PPFIA2: variants seen among roughly 807,000 people sequenced by gnomAD.
The protein encoded by PPFIA2 is PPFI scaffold protein A2.
A neutral mutation model predicts 175.5 loss-of-function variants in PPFIA2; 46 were observed. That is an observed-to-expected ratio of 0.26 (90% CI 0.21 to 0.34). The LOEUF is 0.34. Ranked by LOEUF, PPFIA2 falls within the 10% of genes least tolerant of loss-of-function variation. The pLI, the probability that PPFIA2 is intolerant of heterozygous loss-of-function variation, is 1.00. For synonymous variants in PPFIA2, 568 were observed against 511.4 expected (o/e 1.11, Z -1.49); for missense variants, 1,179 against 1,506.1 (o/e 0.78, Z 3.60).
At chr12:81,309,344 A>G (rs1287062724) in intron 22 of PPFIA2, among the ~76,000 whole-genome samples, 2 of 152,156 alleles carry the variant, frequency 1.3e-5, no homozygotes, top group Non-Finnish European at 2.9e-5. Context: ...AACATCTGCA[A>G]GCTGAACATG....
At chr12:81,470,433 G>A (rs146141942) in intron 4 of PPFIA2, among the ~76,000 whole-genome samples, 52 of 152,260 alleles carry the variant, frequency 3.4e-4, no homozygotes, top group African/African-American at 1.2e-3. Context: ...AATAAGCATT[G>A]GCAAAGATGC....
At chr12:81,477,371 A>G (rs921505622) in intron 4 of PPFIA2, among the ~76,000 whole-genome samples, 20 of 152,338 alleles carry the variant, frequency 1.3e-4, no homozygotes, top group African/African-American at 4.8e-4. Context: ...GAGAATGATT[A>G]TGAAGAAGTC....
At chr12:81,541,135 G>C (rs538333288) in intron 4 of PPFIA2, among the ~76,000 whole-genome samples, 2 of 152,064 alleles carry the variant, frequency 1.3e-5, no homozygotes, top group East Asian at 1.9e-4. Flanking sequence ...AAATTTATCA[G>C]TGTTGATACA....
At chr12:81,531,497 G>T (rs1567209606) in intron 4 of PPFIA2, among the ~76,000 whole-genome samples, 1 of 151,626 alleles carries the variant, frequency 6.6e-6, no homozygotes, top group East Asian at 1.9e-4. Context: ...GAATAAAAAT[G>T]AAGAATCCCC....
chr12:81,574,643 C>T (rs532881831), intron 4 of PPFIA2, among the ~76,000 whole-genome samples: 2 of 151,342 alleles, frequency 1.3e-5, no homozygotes, highest in East Asian at 3.9e-4. Context: ...CCATGAATAA[C>T]ACAGGTGTAA....
intron 5 of PPFIA2, among the ~76,000 whole-genome samples, chr12:81,447,290 T>C (rs1449143754): frequency 6.6e-6 from 1 of 152,186 alleles, no homozygotes; most frequent in East Asian, 1.9e-4. Context: ...TCCAAGCTGT[T>C]TTACATAGGT....
chr12:81,447,036 C>T (rs530371310), intron 5 of PPFIA2, among the ~76,000 whole-genome samples: 21 of 152,152 alleles, frequency 1.4e-4, no homozygotes, highest in African/African-American at 3.9e-4. Context: ...CAGTGGCTCA[C>T]TCCTGTAATC....
At chr12:81,668,724 G>A (rs1337862039) in intron 4 of PPFIA2, among the ~76,000 whole-genome samples, 2 of 151,968 alleles carry the variant, frequency 1.3e-5, no homozygotes, top group African/African-American at 2.4e-5. Flanking sequence ...TGGCAGGACT[G>A]ATGCTGCCAT....
chr12:81,466,567 T>G (rs2146123868), intron 4 of PPFIA2, among the ~76,000 whole-genome samples: 1 of 152,262 alleles, frequency 6.6e-6, no homozygotes, highest in Non-Finnish European at 1.5e-5. Context: ...CCCACTCTGC[T>G]TTGCTTTGTG....
intron 19 of PPFIA2, among the ~76,000 whole-genome samples, chr12:81,341,615 T>C (rs2058097359): frequency 6.6e-6 from 1 of 152,040 alleles, no homozygotes; most frequent in African/African-American, 2.4e-5. Flanking sequence ...AGTGTTAGAG[T>C]AGTTTATGTG....
chr12:81,560,878 A>T (rs1488315325), intron 4 of PPFIA2, among the ~76,000 whole-genome samples: 6 of 152,208 alleles, frequency 3.9e-5, no homozygotes, highest in East Asian at 1.9e-4. Context: ...ATCTGAAAAC[A>T]GCTGATAATT....
At chr12:81,477,497 G>A (rs2057631863) in intron 4 of PPFIA2, among the ~76,000 whole-genome samples, 1 of 152,176 alleles carries the variant, frequency 6.6e-6, no homozygotes. Context: ...CAAAGGGAAT[G>A]CTTCCAGCTT....
Position 81,414,133 on chromosome 12 carries a change from A to G in PPFIA2, c.646-8230T>C, listed in dbSNP as rs540182199. Among the ~76,000 whole-genome samples the G allele has an allele frequency of 3.3e-5, 5 of 151,932 alleles. No individual in the cohort carries two copies. In the East Asian group the frequency reaches 9.7e-4, roughly 29 times the overall value. The stretch of plus-strand genomic sequence containing the variant: ...TTGAAGTCATACAGAAAAAGACACA[A>G]CAGAGATATTTCTGATTCAGGTCTG... On this transcript the variant is annotated intron_variant, in intron 7 of 32. Coordinates refer to ENST00000549396, the MANE Select transcript of PPFIA2 (RefSeq NM_003625.5).
intron 4 of PPFIA2, among the ~76,000 whole-genome samples, chr12:81,558,364 T>C (rs572787421): frequency 2.0e-5 from 3 of 152,332 alleles, no homozygotes; most frequent in Middle Eastern, 3.4e-3. Context: ...GTAGTTACTG[T>C]GATCTACATT....
At chr12:81,721,099 G>C (rs571104845) in intron 3 of PPFIA2, among the ~76,000 whole-genome samples, 2 of 150,130 alleles carry the variant, frequency 1.3e-5, no homozygotes, top group African/African-American at 4.9e-5. Flanking sequence ...AAAGGTGGCC[G>C]TTTTTATTGC....
At position 81,457,798 on chromosome 12, in the gene PPFIA2, G is replaced by A; in HGVS notation, c.372C>T (p.Ile124=). The A allele has an allele frequency of 1.2e-6, 2 of 1,610,306 alleles. No homozygotes were observed. The highest frequency in any genetic ancestry group is 1.7e-5 in the Admixed American group (1 of 59,676). Residue 124 remains isoleucine (I), a synonymous_variant, in exon 5 of 33, where the codon ATC becomes ATT. Coordinates refer to ENST00000549396, the MANE Select transcript of PPFIA2 (RefSeq NM_003625.5). The part of the protein sequence containing the change: ...REQLLEKEEE[I]SELKAERNNT... ...TGTTTCTTTCAGCTTTAAGTTCAGAGATTTCTTCTTCCTTTTCTAGAAGTT... is the reference window on the plus strand; with the variant it reads ...TGTTTCTTTCAGCTTTAAGTTCAGAAATTTCTTCTTCCTTTTCTAGAAGTT...
At position 81,268,080 on chromosome 12, in the gene PPFIA2, C is replaced by G; in HGVS notation, c.3318G>C (p.Leu1106Phe). The change falls in exon 29 of 33, where the codon TTG (leucine) becomes TTC (phenylalanine). Residue 1106 changes from leucine (L) to phenylalanine (F), a missense_variant. By Grantham distance (22) the Leu-to-Phe change is conservative. This residue lies in a region of PPFIA2 where 245 missense variants were observed against 375.1 expected (regional missense o/e 0.65). Transcript: ENST00000549396. ...EASQHEIKDV[L>F]VWSNDRVIRW... ...GAATAACTCGGTCATTGCTCCACAC[C>G]AACACGTCTAGGAAAAGAGATGCAT... The G allele has an allele frequency of 6.3e-7, 1 of 1,589,876 alleles. No homozygotes were observed. The highest frequency in any genetic ancestry group is 2.3e-5 in the East Asian group (1 of 44,184).
rs2036222478 is a variant in PPFIA2 at position 81,263,286 on chromosome 12, T to C, written c.3660A>G (p.Pro1220=). The change falls in exon 31 of 33, where the codon CCA becomes CCG. Residue 1220 remains proline (P), a synonymous_variant. Coordinates refer to ENST00000549396, the MANE Select transcript of PPFIA2 (RefSeq NM_003625.5). The part of the protein sequence containing the change: ...SMMPGSSETL[P]AGFRLTTTSG... ...AGGTTGTGGTTAACCTAAATCCAGC[T>C]GGTAATGTTTCTGAGGACCCAGGCA... 6 of 1,612,438 alleles carry C rather than the reference T, an allele frequency of 3.7e-6. No individual in the cohort carries two copies. The highest frequency in any genetic ancestry group is 5.1e-6 in the Non-Finnish European group (6 of 1,178,952).
At chr12:81,735,384 T>C (rs1239792515) in intron 3 of PPFIA2, among the ~76,000 whole-genome samples, 1 of 151,862 alleles carries the variant, frequency 6.6e-6, no homozygotes, top group Non-Finnish European at 1.5e-5. Flanking sequence ...TATTGACATC[T>C]ATTTACCATC....
Sources: allele counts gnomAD v4.1 joint callset (sites outside exome capture counted in the v4.1 genomes callset), GRCh38; gene constraint gnomAD v4.1.1; regional missense constraint gnomAD v4.1.1; transcripts MANE v1.5; gene names NCBI Gene and HGNC (gene_info 2026-07-23, HGNC 2026-07-21).